Variants in STXBP4 observed in about 807,000 individuals in gnomAD.
STXBP4 encodes syntaxin binding protein 4, also known as syntaxin-binding protein 4.
STXBP4 carries 55 observed loss-of-function variants against 76.1 expected under a neutral mutation model. The ratio of observed to expected loss-of-function variants is 0.72; its 90% CI spans 0.58 to 0.91. STXBP4 has a LOEUF of 0.91. STXBP4 is among the 40% of genes least tolerant of loss of function. The pLI is 0.00. For missense variants in STXBP4, 618 were observed against 636.9 expected (o/e 0.97, Z 0.32); for synonymous variants, 201 against 220.2 (o/e 0.91, Z 0.77).
the STXBP4 span, among the ~76,000 whole-genome samples, chr17:55,180,924 T>C: frequency 6.6e-6 from 1 of 152,226 alleles, no homozygotes; most frequent in African/African-American, 2.4e-5. Context: ...AGATTCCTAT[T>C]CCAAGACTTC....
intron 16 of STXBP4, among the ~76,000 whole-genome samples, chr17:55,139,317 G>A (rs559404246): frequency 2.3e-4 from 35 of 152,200 alleles, no homozygotes; most frequent in African/African-American, 6.7e-4. Context: ...TTATTAGAAC[G>A]TATCTGTGAC....
chr17:55,188,325 T>TA, the STXBP4 span, among the ~76,000 whole-genome samples: 74 of 152,346 alleles, frequency 4.9e-4, no homozygotes, highest in African/African-American at 1.7e-3. Flanking sequence ...AAGAAGAATT[T>TA]AGACTATATG....
intron 16 of STXBP4, among the ~76,000 whole-genome samples, chr17:55,084,722 C>T (rs964116210): frequency 7.9e-5 from 12 of 152,076 alleles, no homozygotes; most frequent in African/African-American, 2.9e-4. Flanking sequence ...TTCCCAGCAC[C>T]ATTTATTAAA....
At chr17:55,132,725 A>G (rs1372575471) in intron 16 of STXBP4, among the ~76,000 whole-genome samples, 1 of 151,940 alleles carries the variant, frequency 6.6e-6, no homozygotes, top group African/African-American at 2.4e-5. Flanking sequence ...GAGAGGAAAG[A>G]AACCAGGTTG....
chr17:55,064,232 CT>C (rs1223157053), intron 12 of STXBP4, among the ~76,000 whole-genome samples: 1 of 152,148 alleles, frequency 6.6e-6, no homozygotes, highest in Non-Finnish European at 1.5e-5. Flanking sequence ...TGAAATTAAA[CT>C]GTGAACTTCA....
At chr17:55,157,633 C>T (rs576364965) in intron 17 of STXBP4, among the ~76,000 whole-genome samples, 68 of 152,214 alleles carry the variant, frequency 4.5e-4, no homozygotes, top group African/African-American at 1.6e-3. Flanking sequence ...GAACTTGAAC[C>T]CTTTTTATGC....
intron 1 of STXBP4, among the ~76,000 whole-genome samples, chr17:54,984,570 C>G (rs1420292762): frequency 6.6e-6 from 1 of 151,904 alleles, no homozygotes. Flanking sequence ...GTCTCGATCT[C>G]CTGACCTCGT....
intron 16 of STXBP4, among the ~76,000 whole-genome samples, chr17:55,105,945 T>C (rs1368271482): frequency 6.6e-6 from 1 of 152,106 alleles, no homozygotes; most frequent in South Asian, 2.1e-4. Context: ...TGATTTGGGG[T>C]GGAGAGTTCT....
At chr17:55,181,395 C>T in the STXBP4 span, among the ~76,000 whole-genome samples, 1 of 152,152 alleles carries the variant, frequency 6.6e-6, no homozygotes, top group African/African-American at 2.4e-5. Context: ...AGCAGTAATG[C>T]TGAATTTTTC....
chr17:55,096,250 G>A (rs2079484840), intron 16 of STXBP4, among the ~76,000 whole-genome samples: 1 of 152,076 alleles, frequency 6.6e-6, no homozygotes, highest in African/African-American at 2.4e-5. Context: ...CAATCTCCCT[G>A]GCTCAGGTGA....
At chr17:55,132,348 G>A (rs1454968592) in intron 16 of STXBP4, among the ~76,000 whole-genome samples, 2 of 151,944 alleles carry the variant, frequency 1.3e-5, no homozygotes, top group Non-Finnish European at 2.9e-5. Context: ...GTGCCACCAC[G>A]CCTGGCTAAT....
intron 8 of STXBP4, among the ~76,000 whole-genome samples, chr17:55,010,249 CAT>C (rs10562786): frequency 0.5 from 75,056 of 150,226 alleles, 18,803 homozygotes; most frequent in South Asian, 0.64. Flanking sequence ...AAGACAATGT[CAT>C]ATATATATAT....
At chr17:55,074,048 G>A (rs1460233355) in intron 13 of STXBP4, among the ~76,000 whole-genome samples, 1 of 152,056 alleles carries the variant, frequency 6.6e-6, no homozygotes, top group East Asian at 1.9e-4. Context: ...AGAAAATCGA[G>A]TAAATTGAAA....
intron 16 of STXBP4, among the ~76,000 whole-genome samples, chr17:55,111,273 C>A (rs2079711632): frequency 1.3e-5 from 2 of 152,048 alleles, no homozygotes; most frequent in African/African-American, 4.8e-5. Flanking sequence ...TTATGAAGAC[C>A]TTCCTTTTTG....
At chr17:55,088,832 C>T (rs1346056125) in intron 16 of STXBP4, among the ~76,000 whole-genome samples, 1 of 152,168 alleles carries the variant, frequency 6.6e-6, no homozygotes. Context: ...CTAGGACTCT[C>T]CCATGTATAA....
At chr17:55,058,519 C>T (rs771501015) in intron 12 of STXBP4, among the ~76,000 whole-genome samples, 18 of 152,146 alleles carry the variant, frequency 1.2e-4, no homozygotes, top group Non-Finnish European at 2.6e-4. Flanking sequence ...AATATCTACA[C>T]TGCAAGTTTG....
the STXBP4 span, among the ~76,000 whole-genome samples, chr17:55,192,748 T>C: frequency 1.3e-5 from 2 of 152,194 alleles, no homozygotes; most frequent in African/African-American, 2.4e-5. Flanking sequence ...ATTTTACTGA[T>C]GAAAATTCTC....
At position 54,999,894 on chromosome 17, in the gene STXBP4, A is replaced by G. The variant is rs184058127; in HGVS notation, c.498+52A>G. On this transcript the variant is annotated intron_variant, in intron 6 of 17. Coordinates refer to ENST00000376352, the MANE Select transcript of STXBP4 (RefSeq NM_178509.6). ...TATATATGCACTCCATAAATTCCCTATACATTTTTACATTGGTTATGTACA... is the reference window on the plus strand; with the variant it reads ...TATATATGCACTCCATAAATTCCCTGTACATTTTTACATTGGTTATGTACA... 169 of 1,220,548 alleles carry G rather than the reference A, an allele frequency of 1.4e-4. 1 individual carries two copies. In the African/African-American group the frequency reaches 1.7e-3, roughly 12 times the overall value. The allele number at this position is 1,220,548 out of a possible 1,614,324, so 75.6% of individuals were successfully genotyped here. A position where few individuals can be genotyped will look rare whatever the true frequency, so the allele number is the denominator to read the frequency against.
At chr17:55,081,383 C>T (rs2079253107) in intron 16 of STXBP4, among the ~76,000 whole-genome samples, 200 bp downstream of exon 16, 1 of 152,098 alleles carries the variant, frequency 6.6e-6, no homozygotes, top group Admixed American at 6.6e-5. Context: ...TTAAGATATG[C>T]CTTTACATCC....
Sources: allele counts gnomAD v4.1 joint callset (sites outside exome capture counted in the v4.1 genomes callset), GRCh38; gene constraint gnomAD v4.1.1; transcripts MANE v1.5; gene names NCBI Gene and HGNC (gene_info 2026-07-23, HGNC 2026-07-21).